FHIT: variants seen among roughly 807,000 people sequenced by gnomAD.
The protein encoded by FHIT is fragile histidine triad diadenosine triphosphatase.
FHIT carries 19 observed loss-of-function variants against 17.9 expected under a neutral mutation model. That is an observed-to-expected ratio of 1.06 (90% CI 0.74 to 1.56). The LOEUF is 1.56. Among genes scored for constraint, FHIT ranks in the 40% most tolerant of loss-of-function variants. The probability of loss-of-function intolerance (pLI) is 0.00; values close to 1 mark genes in which losing one functional copy is unlikely to be tolerated. For synonymous variants in FHIT, 81 were observed against 69.7 expected, an observed-to-expected ratio of 1.16 and a Z score of -0.81; for missense variants, 248 against 189.2, an observed-to-expected ratio of 1.31 and a Z score of -1.82.
At chr3:61,115,816 T>C (rs952820894) in intron 2 of FHIT, among the ~76,000 whole-genome samples, 3 of 152,098 alleles carry the variant, frequency 2.0e-5, no homozygotes, top group South Asian at 2.1e-4. Context: ...AAGAAGAGTA[T>C]TGAAAAAAGA....
chr3:60,034,284 G>T (rs1329697752), intron 5 of FHIT, among the ~76,000 whole-genome samples: 7 of 152,210 alleles, frequency 4.6e-5, no homozygotes, highest in South Asian at 4.1e-4. Context: ...GATGAATTGT[G>T]CAGGTTGGCC....
chr3:60,921,418 A>G (rs1553768313), intron 3 of FHIT, among the ~76,000 whole-genome samples: 1 of 152,230 alleles, frequency 6.6e-6, no homozygotes, highest in Non-Finnish European at 1.5e-5. Flanking sequence ...AGAGAAGTGA[A>G]GAACAGTGCC....
chr3:60,841,797 C>A (rs1553745107), intron 3 of FHIT, among the ~76,000 whole-genome samples: 1 of 151,864 alleles, frequency 6.6e-6, no homozygotes, highest in Non-Finnish European at 1.5e-5. Flanking sequence ...TCATAAAGTT[C>A]CTCAATTTAA....
intron 5 of FHIT, among the ~76,000 whole-genome samples, chr3:60,183,215 T>C (rs187620261): frequency 6.6e-6 from 1 of 152,096 alleles, no homozygotes; most frequent in East Asian, 1.9e-4. Flanking sequence ...CTAGCCGACA[T>C]GGTGAAAATC....
At chr3:60,550,088 T>C (rs930733835) in intron 4 of FHIT, among the ~76,000 whole-genome samples, 1 of 152,166 alleles carries the variant, frequency 6.6e-6, no homozygotes, top group African/African-American at 2.4e-5. Context: ...AATGAGCTTA[T>C]TAAAAGCTGC....
intron 5 of FHIT, among the ~76,000 whole-genome samples, chr3:60,137,624 T>C (rs2107288152): frequency 6.6e-6 from 1 of 152,286 alleles, no homozygotes; most frequent in South Asian, 2.1e-4. Flanking sequence ...TTGTCAGGCA[T>C]GATGTCCTTG....
At chr3:61,104,670 T>C (rs2035938926) in intron 2 of FHIT, among the ~76,000 whole-genome samples, 1 of 152,198 alleles carries the variant, frequency 6.6e-6, no homozygotes, top group Admixed American at 6.5e-5. Context: ...GTTTTCCAAA[T>C]TGGTTCCATT....
intron 5 of FHIT, among the ~76,000 whole-genome samples, chr3:60,050,766 G>GA (rs1464312794): frequency 6.6e-6 from 1 of 152,168 alleles, no homozygotes; most frequent in Non-Finnish European, 1.5e-5. Flanking sequence ...CAGAGACCTA[G>GA]ATCCAGGCAT....
intron 3 of FHIT, among the ~76,000 whole-genome samples, chr3:60,874,732 T>C (rs1316137112): frequency 3.3e-5 from 5 of 152,092 alleles, no homozygotes; most frequent in Non-Finnish European, 5.9e-5. Flanking sequence ...CAACCTATCC[T>C]CTTCTAAGGA....
intron 5 of FHIT, among the ~76,000 whole-genome samples, chr3:60,235,534 T>C (rs1576348906): frequency 6.6e-6 from 1 of 152,286 alleles, no homozygotes; most frequent in African/African-American, 2.4e-5. Flanking sequence ...CGGCCATATC[T>C]ATGCTTTTAA....
chr3:59,752,126 G>A, intron 9 of FHIT, 95 bp downstream of exon 9: 1 of 823,252 alleles, frequency 1.2e-6, no homozygotes, highest in Non-Finnish European at 2.0e-6. Context: ...CAAGGATGCT[G>A]GTGAAGGTGT....
chr3:60,608,758 T>G (rs562499540), intron 4 of FHIT, among the ~76,000 whole-genome samples: 1 of 152,100 alleles, frequency 6.6e-6, no homozygotes, highest in African/African-American at 2.4e-5. Flanking sequence ...ATTATGAACA[T>G]CGTTATTTGG....
At chr3:60,158,485 T>C (rs1700803109) in intron 5 of FHIT, among the ~76,000 whole-genome samples, 1 of 152,132 alleles carries the variant, frequency 6.6e-6, no homozygotes, top group Admixed American at 6.5e-5. Flanking sequence ...CTAATTTTTG[T>C]ATTTTTAGTA....
chr3:60,614,916 G>A (rs782657762), intron 4 of FHIT, among the ~76,000 whole-genome samples: 2 of 130,034 alleles, frequency 1.5e-5, no homozygotes, highest in Non-Finnish European at 3.1e-5. Context: ...TACAACCTCC[G>A]CCTCCCAGGT....
intron 4 of FHIT, among the ~76,000 whole-genome samples, chr3:60,761,767 C>T (rs757847353): frequency 2.0e-5 from 3 of 151,908 alleles, no homozygotes; most frequent in Non-Finnish European, 2.9e-5. Context: ...ATAATTCAAA[C>T]AAGTTTTGAA....
intron 5 of FHIT, among the ~76,000 whole-genome samples, chr3:60,325,225 T>C (rs1373660700): frequency 2.0e-5 from 3 of 152,204 alleles, no homozygotes; most frequent in African/African-American, 7.2e-5. Context: ...TTATGTTTTA[T>C]TGCGTTCTGT....
intron 3 of FHIT, among the ~76,000 whole-genome samples, chr3:60,916,612 G>T (rs1707017887): frequency 6.6e-6 from 1 of 152,164 alleles, no homozygotes; most frequent in Non-Finnish European, 1.5e-5. Context: ...CCTTTAATTT[G>T]CAGACCTTCT....
At chr3:60,267,568 C>T (rs1387550640) in intron 5 of FHIT, among the ~76,000 whole-genome samples, 5 of 152,050 alleles carry the variant, frequency 3.3e-5, no homozygotes, top group Admixed American at 6.6e-5. Context: ...TAGGTCTCCA[C>T]GGGCCTCTGA....
chr3:60,198,629 T>C (rs1017690391), intron 5 of FHIT, among the ~76,000 whole-genome samples: 4 of 152,148 alleles, frequency 2.6e-5, no homozygotes, highest in Admixed American at 2.6e-4. Flanking sequence ...TTCTTCCCTT[T>C]GGTATGCTCA....
Sources: allele counts gnomAD v4.1 joint callset (sites outside exome capture counted in the v4.1 genomes callset), GRCh38; gene constraint gnomAD v4.1.1; transcripts MANE v1.5; gene names NCBI Gene and HGNC (gene_info 2026-07-23, HGNC 2026-07-21).